Variants in KCNJ3 observed in about 807,000 individuals in gnomAD.
KCNJ3 encodes potassium inwardly rectifying channel subfamily J member 3.
KCNJ3 carries 4 observed loss-of-function variants against 39.2 expected under a neutral mutation model. That is an observed-to-expected ratio of 0.10 (90% CI 0.05 to 0.23). The LOEUF (loss-of-function observed/expected upper bound fraction) is 0.23. Among genes scored for constraint, KCNJ3 ranks in the 10% least tolerant of loss-of-function variants. KCNJ3 has a pLI of 1.00. For missense variants in KCNJ3, 276 were observed against 634.9 expected (o/e 0.43, Z 6.08); for synonymous variants, 230 against 237.4 (o/e 0.97, Z 0.29).
intron 2 of KCNJ3, among the ~76,000 whole-genome samples, chr2:154,828,461 T>A (rs1328405144): frequency 6.6e-6 from 1 of 152,184 alleles, no homozygotes; most frequent in Non-Finnish European, 1.5e-5. Flanking sequence ...ATCATCAGTT[T>A]ACTGAATGGA....
At chr2:154,723,174 A>T (rs1685293483) in intron 2 of KCNJ3, among the ~76,000 whole-genome samples, 1 of 152,114 alleles carries the variant, frequency 6.6e-6, no homozygotes, top group African/African-American at 2.4e-5. Context: ...GATCCCAGCT[A>T]CAGGGGTGAC....
intron 2 of KCNJ3, among the ~76,000 whole-genome samples, chr2:154,770,509 G>A (rs900164382): frequency 6.6e-6 from 1 of 151,752 alleles, no homozygotes; most frequent in African/African-American, 2.4e-5. Context: ...ATATTATTGT[G>A]TAGTATCTTG....
chr2:154,760,148 G>A (rs1365683352), intron 2 of KCNJ3, among the ~76,000 whole-genome samples: 1 of 152,244 alleles, frequency 6.6e-6, no homozygotes, highest in Non-Finnish European at 1.5e-5. Flanking sequence ...AGCACCTGGT[G>A]TTATTAAATC....
intron 2 of KCNJ3, among the ~76,000 whole-genome samples, chr2:154,776,851 T>C (rs1686344855): frequency 6.6e-6 from 1 of 151,750 alleles, no homozygotes; most frequent in Non-Finnish European, 1.5e-5. Context: ...TCGCAATCCA[T>C]TGGCAATAAA....
chr2:154,784,440 C>A (rs1227002471), intron 2 of KCNJ3, among the ~76,000 whole-genome samples: 2 of 152,178 alleles, frequency 1.3e-5, no homozygotes, highest in Admixed American at 6.5e-5. Context: ...TGCAGTGGTG[C>A]AACTCGGCTC....
chr2:154,713,857 T>C (rs1685140548), intron 2 of KCNJ3, among the ~76,000 whole-genome samples: 1 of 152,202 alleles, frequency 6.6e-6, no homozygotes, highest in Admixed American at 6.5e-5. Context: ...TGGCAGTCTT[T>C]TTAATTGTCT....
intron 2 of KCNJ3, among the ~76,000 whole-genome samples, chr2:154,847,257 C>T (rs963253801): frequency 5.3e-5 from 8 of 152,100 alleles, no homozygotes; most frequent in Admixed American, 6.6e-5. Context: ...TCATAAGCTT[C>T]TTCAGAAAGT....
chr2:154,746,266 G>A (rs764550099), intron 2 of KCNJ3, among the ~76,000 whole-genome samples: 93 of 151,744 alleles, frequency 6.1e-4, no homozygotes, highest in East Asian at 2.5e-3. Context: ...TAAGGTTTCC[G>A]GTCAATGGTA....
At chr2:154,771,147 T>C (rs1393975446) in intron 2 of KCNJ3, among the ~76,000 whole-genome samples, 1 of 152,082 alleles carries the variant, frequency 6.6e-6, no homozygotes, top group East Asian at 1.9e-4. Flanking sequence ...CGCCTCGGCC[T>C]CCCAGAGTGC....
At chr2:154,717,258 G>C (rs1264800992) in intron 2 of KCNJ3, among the ~76,000 whole-genome samples, 1 of 152,130 alleles carries the variant, frequency 6.6e-6, no homozygotes, top group East Asian at 1.9e-4. Flanking sequence ...AAGTCTAGGG[G>C]AACTGACTGG....
chr2:154,753,243 A>G (rs1685880227), intron 2 of KCNJ3, among the ~76,000 whole-genome samples: 2 of 152,126 alleles, frequency 1.3e-5, no homozygotes, highest in Admixed American at 1.3e-4. Flanking sequence ...TACAGGTTAG[A>G]CCAATTATAC....
intron 2 of KCNJ3, among the ~76,000 whole-genome samples, chr2:154,763,417 T>G (rs1686079041): frequency 7.7e-6 from 1 of 129,934 alleles, no homozygotes; most frequent in Admixed American, 8.8e-5. Flanking sequence ...TCTTTTCAGC[T>G]GCTTCTTTTT....
chr2:154,844,312 T>C (rs1313850316), intron 2 of KCNJ3, among the ~76,000 whole-genome samples: 2 of 152,214 alleles, frequency 1.3e-5, no homozygotes, highest in South Asian at 2.1e-4. Context: ...TGATCCTTCC[T>C]CTGGAAACTT....
intron 2 of KCNJ3, among the ~76,000 whole-genome samples, chr2:154,764,736 T>A (rs974140082): frequency 1.3e-5 from 2 of 152,138 alleles, no homozygotes; most frequent in African/African-American, 4.8e-5. Flanking sequence ...AATCTCATAA[T>A]GTTTTAAGAA....
At chr2:154,752,906 TG>T (rs1438601688) in intron 2 of KCNJ3, among the ~76,000 whole-genome samples, 1 of 151,958 alleles carries the variant, frequency 6.6e-6, no homozygotes, top group East Asian at 1.9e-4. Context: ...AACAATTACG[TG>T]AAACAAAACA....
chr2:154,746,244 T>C (rs534946563), intron 2 of KCNJ3, among the ~76,000 whole-genome samples: 1 of 152,008 alleles, frequency 6.6e-6, no homozygotes, highest in Non-Finnish European at 1.5e-5. Context: ...AATTGACTGT[T>C]AAAGTTATTG....
intron 2 of KCNJ3, among the ~76,000 whole-genome samples, chr2:154,715,158 C>T (rs762110366): frequency 2.0e-5 from 3 of 152,122 alleles, no homozygotes; most frequent in Non-Finnish European, 4.4e-5. Context: ...CTTTTTAAGC[C>T]CACATCACGG....
intron 2 of KCNJ3, among the ~76,000 whole-genome samples, chr2:154,720,778 T>C (rs1461585671): frequency 6.6e-6 from 1 of 152,136 alleles, no homozygotes; most frequent in African/African-American, 2.4e-5. Context: ...AACGTATGTG[T>C]ATGTGTATGA....
chr2:154,839,329 T>TATC (rs1405780745), intron 2 of KCNJ3, among the ~76,000 whole-genome samples: 1 of 152,268 alleles, frequency 6.6e-6, no homozygotes, highest in African/African-American at 2.4e-5. Context: ...TAATCCAGTC[T>TATC]ATCATTGATG....
Sources: allele counts gnomAD v4.1 joint callset (sites outside exome capture counted in the v4.1 genomes callset), GRCh38; gene constraint gnomAD v4.1.1; transcripts MANE v1.5; gene names NCBI Gene and HGNC (gene_info 2026-07-23, HGNC 2026-07-21).